IPO11: variants seen among roughly 807,000 people sequenced by gnomAD.
IPO11 encodes importin-11.
A neutral mutation model predicts 143.2 loss-of-function variants in IPO11; 66 were observed. The observed-to-expected ratio is 0.46, with a 90% CI of 0.38 to 0.57. The LOEUF (loss-of-function observed/expected upper bound fraction) is 0.57, where lower values mean the gene tolerates loss of function less well. IPO11 is among the 20% of genes least tolerant of loss of function. The pLI is 0.00. For missense variants in IPO11, 1,026 were observed against 1,141.0 expected, an observed-to-expected ratio of 0.90 and a Z score of 1.45; for synonymous variants, 385 against 377.8, an observed-to-expected ratio of 1.02 and a Z score of -0.22.
intron 1 of IPO11, among the ~76,000 whole-genome samples, chr5:62,436,038 T>C (rs1338527330): frequency 1.3e-5 from 2 of 152,050 alleles, no homozygotes; most frequent in Admixed American, 6.6e-5. Flanking sequence ...TAAATCAAAA[T>C]CAAATCAAAT....
At chr5:62,423,797 T>A (rs1327376971) in intron 1 of IPO11, among the ~76,000 whole-genome samples, 3 of 151,746 alleles carry the variant, frequency 2.0e-5, no homozygotes, top group African/African-American at 7.2e-5. Flanking sequence ...TAAACTTCAT[T>A]TCTTTAAGTT....
intron 8 of IPO11, among the ~76,000 whole-genome samples, chr5:62,475,211 T>C (rs999426758): frequency 4.6e-5 from 7 of 151,440 alleles, no homozygotes; most frequent in East Asian, 1.9e-4. Context: ...CTGGCCAAAA[T>C]AGATTTAAAA....
At chr5:62,584,266 A>G (rs922158706) in intron 27 of IPO11, among the ~76,000 whole-genome samples, 2 of 152,026 alleles carry the variant, frequency 1.3e-5, no homozygotes, top group African/African-American at 4.8e-5. Context: ...TGAGGGCTTC[A>G]GTGGTGATGG....
At chr5:62,588,575 G>A (rs1196909356) in intron 27 of IPO11, among the ~76,000 whole-genome samples, 5 of 152,104 alleles carry the variant, frequency 3.3e-5, no homozygotes, top group South Asian at 2.1e-4. Flanking sequence ...GTTTTCTTTC[G>A]TTTGTTTTTT....
intron 9 of IPO11, among the ~76,000 whole-genome samples, chr5:62,477,645 C>G (rs994280621): frequency 6.6e-6 from 1 of 152,236 alleles, no homozygotes; most frequent in African/African-American, 2.4e-5. Flanking sequence ...TCAAAGAGGA[C>G]TATACAGTAT....
At chr5:62,469,773 A>G (rs1167095428) in intron 6 of IPO11, among the ~76,000 whole-genome samples, 1 of 152,202 alleles carries the variant, frequency 6.6e-6, no homozygotes, top group East Asian at 1.9e-4. Flanking sequence ...AGTGTTACTC[A>G]TGAAATGTCA....
At chr5:62,513,756 G>A (rs906561684) in intron 19 of IPO11, among the ~76,000 whole-genome samples, 1 of 151,336 alleles carries the variant, frequency 6.6e-6, no homozygotes, top group African/African-American at 2.4e-5. Context: ...CCTCCCGGAC[G>A]GGGTGGCTGC....
At chr5:62,599,697 A>G (rs1745428430) in intron 28 of IPO11, among the ~76,000 whole-genome samples, 1 of 152,172 alleles carries the variant, frequency 6.6e-6, no homozygotes, top group Non-Finnish European at 1.5e-5. Context: ...TGAGTTTAGA[A>G]TGGAGGAGTG....
chr5:62,542,062 CTTTTTATTT>C (rs1208175656), intron 24 of IPO11, among the ~76,000 whole-genome samples: 1 of 151,666 alleles, frequency 6.6e-6, no homozygotes, highest in Admixed American at 6.6e-5. Context: ...TTTTTTATTT[CTTTTTATTT>C]TTTTTATTTT....
chr5:62,524,608 C>G (rs1742309556), intron 20 of IPO11, among the ~76,000 whole-genome samples: 1 of 151,918 alleles, frequency 6.6e-6, no homozygotes, highest in Admixed American at 6.6e-5. Flanking sequence ...TAATTCTCTT[C>G]CTTTGGAAAA....
At chr5:62,586,762 A>ATATATAT (rs1273896271) in intron 27 of IPO11, among the ~76,000 whole-genome samples, 62 of 86,346 alleles carry the variant, frequency 7.2e-4, no homozygotes, top group Middle Eastern at 5.5e-3. Context: ...CAAAAAAAAA[A>ATATATAT]AAAAAAATAT....
At chr5:62,438,842 G>A (rs965320731) in intron 2 of IPO11, among the ~76,000 whole-genome samples, 2 of 151,848 alleles carry the variant, frequency 1.3e-5, no homozygotes, top group African/African-American at 2.4e-5. Context: ...GGCGAATCAC[G>A]TGACCAGGAG....
chr5:62,498,602 G>A (rs374594317), intron 16 of IPO11, among the ~76,000 whole-genome samples: 2 of 152,206 alleles, frequency 1.3e-5, no homozygotes, highest in Middle Eastern at 3.4e-3. Flanking sequence ...TTTTTAGGAC[G>A]TCTTGGCTGG....
chr5:62,480,095 C>T (rs1171748116), intron 9 of IPO11, among the ~76,000 whole-genome samples: 2 of 152,130 alleles, frequency 1.3e-5, no homozygotes, highest in African/African-American at 4.8e-5. Context: ...AGTCTTTAAT[C>T]CATCTTGAAT....
chr5:62,532,179 G>A lies in IPO11; in HGVS notation c.2089+1394G>A, dbSNP rs186964219. On this transcript the variant is annotated intron_variant, in intron 22 of 29. Transcript: ENST00000325324. ...TTCCACCTCAAATTCAGCATGCTTA[G>A]TCTCCACAACGTTCAGTTCCCTAAG... 2.0e-5 allele frequency among the ~76,000 whole-genome samples: 3 copies of A among 152,242 alleles called. No individual in the cohort carries two copies. The East Asian group carries it at 5.8e-4, about 29-fold the overall frequency.
chr5:62,441,644 A>C (rs1744484122), intron 2 of IPO11, among the ~76,000 whole-genome samples: 1 of 149,914 alleles, frequency 6.7e-6, no homozygotes, highest in Admixed American at 6.7e-5. Context: ...GCCTACTAGC[A>C]GCTGGGATTA....
intron 19 of IPO11, among the ~76,000 whole-genome samples, chr5:62,512,792 G>A (rs1003652045): frequency 3.3e-5 from 5 of 149,474 alleles, no homozygotes; most frequent in African/African-American, 7.4e-5. Flanking sequence ...GACTCTTAAC[G>A]CGCATGCTGC....
intron 29 of IPO11, among the ~76,000 whole-genome samples, chr5:62,607,562 A>G (rs779229674): frequency 5.3e-5 from 8 of 150,048 alleles, no homozygotes; most frequent in Non-Finnish European, 8.8e-5. Context: ...CATAAAATAC[A>G]TTTTCCTTTT....
chr5:62,520,124 A>G (rs898452196), intron 20 of IPO11, among the ~76,000 whole-genome samples: 7 of 152,316 alleles, frequency 4.6e-5, no homozygotes, highest in Middle Eastern at 3.4e-3. Flanking sequence ...TAATCTTCCT[A>G]TCTAAGGTCA....
Sources: allele counts gnomAD v4.1 joint callset (sites outside exome capture counted in the v4.1 genomes callset), GRCh38; gene constraint gnomAD v4.1.1; transcripts MANE v1.5; gene names NCBI Gene and HGNC (gene_info 2026-07-23, HGNC 2026-07-21).